Variants in SAMD4A observed in about 807,000 individuals in gnomAD.
SAMD4A encodes sterile alpha motif domain containing 4A, also known as protein Smaug homolog 1.
A neutral mutation model predicts 81.3 loss-of-function variants in SAMD4A; 33 were observed. The ratio of observed to expected loss-of-function variants is 0.41; its 90% CI spans 0.31 to 0.54. The LOEUF (loss-of-function observed/expected upper bound fraction) is 0.54. SAMD4A is among the 20% of genes least tolerant of loss of function. The probability of loss-of-function intolerance (pLI) is 0.37; values close to 1 mark genes in which losing one functional copy is unlikely to be tolerated. For synonymous variants in SAMD4A, 389 were observed against 382.1 expected, an observed-to-expected ratio of 1.02 and a Z score of -0.21; for missense variants, 854 against 951.1, an observed-to-expected ratio of 0.90 and a Z score of 1.34.
intron 3 of SAMD4A, 29 bp from the exon 4 acceptor site, chr14:54,736,995 A>G: frequency 6.2e-7 from 1 of 1,608,966 alleles, no homozygotes; most frequent in Non-Finnish European, 8.5e-7. Context: ...GGGGGGGAAT[A>G]ACCTATTTCA....
At chr14:54,693,130 G>A (rs1022582443) in intron 2 of SAMD4A, 3 of 152,088 alleles carry the variant, frequency 2.0e-5, no homozygotes, top group East Asian at 3.8e-4. Flanking sequence ...ATTGAAAAGG[G>A]GGGGGTAGTA....
At chr14:54,649,644 G>T (rs2035361442) in intron 2 of SAMD4A, among the ~76,000 whole-genome samples, 1 of 152,138 alleles carries the variant, frequency 6.6e-6, no homozygotes. Flanking sequence ...AATGTATTTT[G>T]GGGCCATTTA....
chr14:54,697,936 G>A (rs2036616272), intron 2 of SAMD4A, among the ~76,000 whole-genome samples: 1 of 152,212 alleles, frequency 6.6e-6, no homozygotes, highest in South Asian at 2.1e-4. Flanking sequence ...CTTGCATGAT[G>A]TCACAACATG....
intron 2 of SAMD4A, among the ~76,000 whole-genome samples, chr14:54,676,113 G>A (rs1162715461): frequency 1.3e-5 from 2 of 152,182 alleles, no homozygotes; most frequent in Non-Finnish European, 2.9e-5. Context: ...GAACAACTGA[G>A]TATGATCCTG....
intron 2 of SAMD4A, among the ~76,000 whole-genome samples, chr14:54,674,854 T>C (rs2035956383): frequency 6.6e-6 from 1 of 152,156 alleles, no homozygotes; most frequent in Admixed American, 6.5e-5. Context: ...AATCAAGTGA[T>C]CCTCCCACCT....
At chr14:54,657,412 T>C (rs1486357965) in intron 2 of SAMD4A, among the ~76,000 whole-genome samples, 1 of 152,230 alleles carries the variant, frequency 6.6e-6, no homozygotes, top group Non-Finnish European at 1.5e-5. Context: ...CACTTTCCAC[T>C]CCAGCTAGAA....
At chr14:54,644,243 T>C (rs1420080361) in intron 2 of SAMD4A, among the ~76,000 whole-genome samples, 2 of 152,238 alleles carry the variant, frequency 1.3e-5, no homozygotes, top group Non-Finnish European at 2.9e-5. Context: ...CTAAGGTTAC[T>C]AACTTGTGGT....
chr14:54,776,572 C>G, intron 11 of SAMD4A, 32 bp downstream of exon 11: 1 of 1,503,606 alleles, frequency 6.7e-7, no homozygotes, highest in South Asian at 1.3e-5. Flanking sequence ...CCCCTTGACA[C>G]AGAGGGGAGG....
At chr14:54,701,656 C>A (rs141042300) in intron 2 of SAMD4A, among the ~76,000 whole-genome samples, 74 of 152,334 alleles carry the variant, frequency 4.9e-4, no homozygotes, top group Non-Finnish European at 8.5e-4. Context: ...GCAGCCTCAC[C>A]CCCAGGACTC....
chr14:54,677,898 A>T (rs1051268690), intron 2 of SAMD4A, among the ~76,000 whole-genome samples: 8 of 152,316 alleles, frequency 5.3e-5, no homozygotes, highest in Non-Finnish European at 2.9e-5. Context: ...CTTTCTAAAT[A>T]GCTTCTAATG....
intron 2 of SAMD4A, among the ~76,000 whole-genome samples, chr14:54,601,007 A>G (rs2034039454): frequency 6.6e-6 from 1 of 152,224 alleles, no homozygotes; most frequent in Admixed American, 6.5e-5. Context: ...AGAAATGGCC[A>G]TCTGGCTTCA....
intron 2 of SAMD4A, among the ~76,000 whole-genome samples, chr14:54,638,611 A>G (rs2035093331): frequency 6.6e-6 from 1 of 152,228 alleles, no homozygotes; most frequent in Non-Finnish European, 1.5e-5. Context: ...AGAATCAACA[A>G]GGAACAAGAT....
At chr14:54,586,205 T>C (rs539805397) in intron 2 of SAMD4A, among the ~76,000 whole-genome samples, 6 of 152,204 alleles carry the variant, frequency 3.9e-5, no homozygotes, top group Non-Finnish European at 1.5e-5. Context: ...CATTTTTCCA[T>C]ATGCTTGTTG....
chr14:54,637,382 AAAAAAG>A (rs2035060975), intron 2 of SAMD4A, among the ~76,000 whole-genome samples: 2 of 147,968 alleles, frequency 1.4e-5, no homozygotes, highest in African/African-American at 4.9e-5. Context: ...AAAAAAAAAA[AAAAAAG>A]AGGCAAGAAG....
chr14:54,611,397 G>A (rs2034351625), intron 2 of SAMD4A, among the ~76,000 whole-genome samples: 1 of 152,188 alleles, frequency 6.6e-6, no homozygotes, highest in Non-Finnish European at 1.5e-5. Context: ...TCCTTGGGCA[G>A]CTCCAGATCC....
intron 3 of SAMD4A, among the ~76,000 whole-genome samples, chr14:54,705,884 C>A (rs1161866117): frequency 6.6e-6 from 1 of 152,182 alleles, no homozygotes; most frequent in Non-Finnish European, 1.5e-5. Context: ...CTGGACTTAT[C>A]ATCCATAGAA....
At chr14:54,681,830 T>A (rs2036135608) in intron 2 of SAMD4A, 1 of 985,274 alleles carries the variant, frequency 1.0e-6, no homozygotes, top group Non-Finnish European at 1.2e-6. Context: ...TCAAACAAAG[T>A]AAGAATTGGA....
chr14:54,611,823 G>A (rs1392688487), intron 2 of SAMD4A, among the ~76,000 whole-genome samples: 1 of 151,026 alleles, frequency 6.6e-6, no homozygotes, highest in African/African-American at 2.4e-5. Context: ...GTTGCAGTCA[G>A]ATGAGATTGC....
chr14:54,739,826 TCTAAG>T, intron 4 of SAMD4A, among the ~76,000 whole-genome samples: 1 of 152,302 alleles, frequency 6.6e-6, no homozygotes, highest in African/African-American at 2.4e-5. Flanking sequence ...GATCTCCGTG[TCTAAG>T]AGCAGGTGCT....
Sources: gnomAD v4.1 joint callset for allele counts (sites outside exome capture counted in the v4.1 genomes callset) on GRCh38, gnomAD v4.1.1 for gene constraint, MANE v1.5 for transcripts, NCBI Gene and HGNC (gene_info 2026-07-23, HGNC 2026-07-21) for gene names.